The following DCUN1D4 variants were observed in gnomAD, a reference collection of about 807,000 sequenced individuals.
DCUN1D4 encodes the protein DCN1-like protein 4.
A neutral mutation model predicts 47.9 loss-of-function variants in DCUN1D4; 22 were observed. The observed-to-expected ratio is 0.46, with a 90% CI of 0.33 to 0.66. DCUN1D4 has a LOEUF of 0.66. Among genes scored for constraint, DCUN1D4 ranks in the 30% least tolerant of loss-of-function variants. The pLI is 0.02. For synonymous variants in DCUN1D4, 121 were observed against 112.2 expected, an observed-to-expected ratio of 1.08 and a Z score of -0.50; for missense variants, 301 against 340.8, an observed-to-expected ratio of 0.88 and a Z score of 0.92.
At chr4:51,881,170 A>C (rs1003561160) in intron 5 of DCUN1D4, among the ~76,000 whole-genome samples, 6 of 152,176 alleles carry the variant, frequency 3.9e-5, no homozygotes, top group Non-Finnish European at 7.4e-5. Flanking sequence ...TAATTTATCT[A>C]ATAACTTCCA....
chr4:51,845,107 C>T, intron 1 of DCUN1D4: 1 of 985,446 alleles, frequency 1.0e-6, no homozygotes, highest in South Asian at 4.7e-5. Flanking sequence ...CCATCATGCG[C>T]ACGGGTTGTG....
intron 3 of DCUN1D4, chr4:51,865,020 A>C (rs753749407): frequency 2.5e-5 from 5 of 202,970 alleles, no homozygotes; most frequent in African/African-American, 1.2e-4. Flanking sequence ...AAAAGGTATG[A>C]TTTCTCATTT....
At chr4:51,858,096 G>A (rs1269914177) in intron 1 of DCUN1D4, among the ~76,000 whole-genome samples, 1 of 152,108 alleles carries the variant, frequency 6.6e-6, no homozygotes, top group Non-Finnish European at 1.5e-5. Flanking sequence ...TGTTGGTCTG[G>A]CAAGGTTATG....
Position 51,913,551 on chromosome 4 carries a change from T to C in DCUN1D4, c.846T>C (p.Phe282=). The change falls in exon 11 of 11, where the codon TTT becomes TTC. Residue 282 remains phenylalanine, a synonymous_variant. Coordinates refer to ENST00000334635, the MANE Select transcript of DCUN1D4 (RefSeq NM_001040402.3). ...DGAWPVLLDE[F]VEWYKDKQMS is the part of the protein sequence containing the mutation. ...CAGGGCCAGTTTTGTTGGACGAGTT[T>C]GTGGAGTGGTATAAAGACAAACAGA... 1 of 1,613,014 alleles carries C rather than the reference T, an allele frequency of 6.2e-7. No individual in the cohort carries two copies. The highest frequency in any genetic ancestry group is 1.1e-5 in the South Asian group (1 of 90,994).
chr4:51,877,899 A>G, intron 5 of DCUN1D4, 45 bp downstream of exon 5: 1 of 1,324,076 alleles, frequency 7.6e-7, no homozygotes, highest in Non-Finnish European at 1.1e-6. Flanking sequence ...TTATGACAAT[A>G]AGGAGTACCT....
the DCUN1D4 span, among the ~76,000 whole-genome samples, chr4:51,834,553 CCTT>C: frequency 2.0e-5 from 3 of 152,118 alleles, no homozygotes; most frequent in Admixed American, 2.0e-4. Context: ...TCTTCAGGCT[CCTT>C]CTCCACGGCT....
At chr4:51,874,590 C>T (rs2109979438) in intron 4 of DCUN1D4, 2 of 436,700 alleles carry the variant, frequency 4.6e-6, no homozygotes, top group East Asian at 3.8e-5. Context: ...AATTTGAATT[C>T]TTAGAAGTTA....
At chr4:51,908,805 A>G in intron 8 of DCUN1D4, 1 of 434,360 alleles carries the variant, frequency 2.3e-6, no homozygotes, top group Non-Finnish European at 4.7e-6. Context: ...TAGTGTTTCC[A>G]GTCATGGTCA....
intron 3 of DCUN1D4, among the ~76,000 whole-genome samples, 185 bp from the exon 4 acceptor site, chr4:51,874,086 G>A (rs1051578855): frequency 1.3e-5 from 2 of 152,092 alleles, no homozygotes; most frequent in African/African-American, 4.8e-5. Flanking sequence ...TTGTGTCGTC[G>A]CTAGGTTTAT....
At chr4:51,869,742 G>C (rs1185061934) in intron 3 of DCUN1D4, among the ~76,000 whole-genome samples, 1 of 152,162 alleles carries the variant, frequency 6.6e-6, no homozygotes, top group African/African-American at 2.4e-5. Context: ...AACTCAAGTT[G>C]CCCTTTAAAA....
At chr4:51,834,099 C>CTTTTTTTTTTTTTTTTTTTTTTT in the DCUN1D4 span, among the ~76,000 whole-genome samples, 2 of 40,828 alleles carry the variant, frequency 4.9e-5, no homozygotes, top group African/African-American at 2.6e-4. Flanking sequence ...TTCTTTTCTT[C>CTTTTTTTTTTTTTTTTTTTTTTT]TTTCTTTTTT....
intron 4 of DCUN1D4, among the ~76,000 whole-genome samples, chr4:51,876,641 A>AT (rs1294029250): frequency 6.6e-6 from 1 of 152,042 alleles, no homozygotes; most frequent in African/African-American, 2.4e-5. Context: ...ACTTCTGTGG[A>AT]TTTTTTTCAG....
intron 1 of DCUN1D4, chr4:51,843,524 G>T (rs1721928652): frequency 7.7e-7 from 1 of 1,294,786 alleles, no homozygotes; most frequent in African/African-American, 1.6e-5. Context: ...CTCTCTTTCA[G>T]TGTTGGGGGA....
chr4:51,894,560 C>A (rs754077539), intron 7 of DCUN1D4, among the ~76,000 whole-genome samples: 42 of 152,246 alleles, frequency 2.8e-4, no homozygotes, highest in Non-Finnish European at 5.1e-4. Flanking sequence ...GTCATAAGGT[C>A]ACTTGTCTTT....
At chr4:51,895,800 T>C (rs1731179576) in intron 7 of DCUN1D4, among the ~76,000 whole-genome samples, 1 of 152,214 alleles carries the variant, frequency 6.6e-6, no homozygotes, top group African/African-American at 2.4e-5. Flanking sequence ...TTTTTTGTGT[T>C]GGGAAATGGT....
At chr4:51,870,146 TGAAGCAGATAA>T in intron 3 of DCUN1D4, among the ~76,000 whole-genome samples, 1 of 152,236 alleles carries the variant, frequency 6.6e-6, no homozygotes, top group African/African-American at 2.4e-5. Flanking sequence ...GCTCATTTTC[TGAAGCAGATAA>T]ATATTCCGTA....
chr4:51,872,411 C>T (rs1040499273), intron 3 of DCUN1D4, among the ~76,000 whole-genome samples: 1 of 152,200 alleles, frequency 6.6e-6, no homozygotes, highest in Admixed American at 6.5e-5. Flanking sequence ...CATCTCTTGT[C>T]TCTCCACAGC....
intron 5 of DCUN1D4, 98 bp from the exon 6 acceptor site, chr4:51,886,470 G>A (rs1729490453): frequency 5.0e-6 from 5 of 1,005,996 alleles, no homozygotes; most frequent in Non-Finnish European, 7.1e-6. Context: ...GGAGTTAATG[G>A]CCTTTAAGTC....
intron 8 of DCUN1D4, chr4:51,908,912 T>C (rs912486212): frequency 4.4e-6 from 2 of 456,256 alleles, no homozygotes; most frequent in Non-Finnish European, 8.8e-6. Flanking sequence ...CTTTCTCTTA[T>C]TTGCTAGGCC....
Sources: allele counts gnomAD v4.1 joint callset (sites outside exome capture counted in the v4.1 genomes callset), GRCh38; gene constraint gnomAD v4.1.1; transcripts MANE v1.5; gene names NCBI Gene and HGNC (gene_info 2026-07-23, HGNC 2026-07-21).